Variants in CSMD1 observed in about 807,000 individuals in gnomAD.
CSMD1 encodes CUB and sushi domain-containing protein 1.
CSMD1 carries 213 observed loss-of-function variants against 417.5 expected under a neutral mutation model. That is an observed-to-expected ratio of 0.51 (90% CI 0.46 to 0.57). CSMD1 has a LOEUF of 0.57. CSMD1 is among the 20% of genes least tolerant of loss of function. The pLI, the probability that CSMD1 is intolerant of heterozygous loss-of-function variation, is 0.00. For synonymous variants in CSMD1, 2,862 were observed against 1,736.8 expected (o/e 1.65, Z -16.11); for missense variants, 6,923 against 4,529.7 (o/e 1.53, Z -15.17).
chr8:3,864,743 G>T (rs937082745), intron 5 of CSMD1, among the ~76,000 whole-genome samples: 2 of 152,034 alleles, frequency 1.3e-5, no homozygotes, highest in Non-Finnish European at 2.9e-5. Context: ...TCCTCTCCTA[G>T]TAAATTAAAC....
At chr8:4,316,995 G>C (rs1346236650) in intron 3 of CSMD1, among the ~76,000 whole-genome samples, 5 of 152,210 alleles carry the variant, frequency 3.3e-5, no homozygotes, top group South Asian at 4.1e-4. Flanking sequence ...CTCTTATTGA[G>C]CATGCCAATA....
At position 4,658,085 on chromosome 8, in the gene CSMD1, CAG is replaced by C. The variant is rs138582806; in HGVS notation, c.86-20529_86-20528del. Among the ~76,000 whole-genome samples the C allele has an allele frequency of 2.1e-3, 318 of 151,812 alleles. 4 individuals carry two copies. Among genetic ancestry groups the C allele is most frequent in the African/African-American group, 7.5e-3 (309 of 41,402 alleles). On this transcript the variant is annotated intron_variant, in intron 1 of 69. Transcript: ENST00000635120. ...GGGAAAAAGAAGGGAAAAAAATAAACAGAGCTTAAGAAACACATGGGGCACCA... is the reference window on the plus strand; with the variant it reads ...GGGAAAAAGAAGGGAAAAAAATAAACAGCTTAAGAAACACATGGGGCACCA...
At chr8:4,331,669 C>G (rs1799875985) in intron 3 of CSMD1, among the ~76,000 whole-genome samples, 1 of 152,040 alleles carries the variant, frequency 6.6e-6, no homozygotes, top group African/African-American at 2.4e-5. Flanking sequence ...GGTAGCCATC[C>G]CAGAGGCCCC....
intron 3 of CSMD1, among the ~76,000 whole-genome samples, chr8:4,199,060 C>G (rs995187238): frequency 6.6e-6 from 1 of 152,120 alleles, no homozygotes; most frequent in African/African-American, 2.4e-5. Context: ...TGCAGTCTGG[C>G]AAAACCCCTG....
intron 38 of CSMD1, among the ~76,000 whole-genome samples, chr8:3,160,663 G>A (rs1481600866): frequency 9.9e-5 from 15 of 152,138 alleles, no homozygotes; most frequent in Admixed American, 8.5e-4. Context: ...TTGTTCTTAC[G>A]AAGGTGGCTT....
chr8:4,170,712 G>C (rs1433129848), intron 3 of CSMD1, among the ~76,000 whole-genome samples: 1 of 151,654 alleles, frequency 6.6e-6, no homozygotes, highest in Non-Finnish European at 1.5e-5. Flanking sequence ...GATATAGCTA[G>C]CATGTGGATT....
chr8:3,272,998 C>T (rs939948398), intron 26 of CSMD1, among the ~76,000 whole-genome samples: 1 of 151,116 alleles, frequency 6.6e-6, no homozygotes, highest in Non-Finnish European at 1.5e-5. Context: ...GAGGGCATCC[C>T]TGTCTTGTGC....
At chr8:4,339,437 G>C (rs1463585845) in intron 3 of CSMD1, among the ~76,000 whole-genome samples, 4 of 152,086 alleles carry the variant, frequency 2.6e-5, no homozygotes, top group African/African-American at 7.2e-5. Flanking sequence ...TGAGAGGCTG[G>C]TGTTTGAATC....
At chr8:4,863,493 G>C (rs948708597) in intron 1 of CSMD1, among the ~76,000 whole-genome samples, 9 of 151,974 alleles carry the variant, frequency 5.9e-5, no homozygotes, top group African/African-American at 2.2e-4. Context: ...GTAACATTTA[G>C]TTCAGTGTTG....
At chr8:4,167,790 G>C (rs1197677063) in intron 3 of CSMD1, among the ~76,000 whole-genome samples, 1 of 152,084 alleles carries the variant, frequency 6.6e-6, no homozygotes, top group South Asian at 2.1e-4. Context: ...AGGAGTTTGA[G>C]ACTAGCCTGG....
chr8:3,684,441 T>G (rs1343506423), intron 7 of CSMD1, among the ~76,000 whole-genome samples: 2 of 150,494 alleles, frequency 1.3e-5, no homozygotes, highest in Non-Finnish European at 3.0e-5. Flanking sequence ...TGACTCATAG[T>G]ACTTAACAAT....
intron 7 of CSMD1, among the ~76,000 whole-genome samples, chr8:3,622,224 A>G (rs1796286177): frequency 6.6e-6 from 1 of 152,214 alleles, no homozygotes; most frequent in Non-Finnish European, 1.5e-5. Flanking sequence ...TGCCACGTTT[A>G]TTCTTTCTGC....
chr8:3,949,742 C>T (rs999659317), intron 5 of CSMD1, among the ~76,000 whole-genome samples: 1 of 152,108 alleles, frequency 6.6e-6, no homozygotes, highest in African/African-American at 2.4e-5. Flanking sequence ...GACTTGATCC[C>T]ACCAGGATCT....
At chr8:4,020,066 T>TA (rs1258884811) in intron 4 of CSMD1, among the ~76,000 whole-genome samples, 1 of 152,146 alleles carries the variant, frequency 6.6e-6, no homozygotes, top group Non-Finnish European at 1.5e-5. Context: ...GGAGAGGAGA[T>TA]AGAGACAGTA....
chr8:3,414,239 A>AAAAAAAAAC (rs71199574), intron 12 of CSMD1, among the ~76,000 whole-genome samples: 1 of 135,634 alleles, frequency 7.4e-6, no homozygotes, highest in Non-Finnish European at 1.6e-5. Context: ...AAAAAAAAAA[A>AAAAAAAAAC]TGCTGTACAA....
intron 9 of CSMD1, among the ~76,000 whole-genome samples, chr8:3,579,896 G>T (rs1473419523): frequency 2.0e-5 from 3 of 152,166 alleles, no homozygotes; most frequent in Admixed American, 6.5e-5. Context: ...CTGAGGTCAG[G>T]AGTTTGAGAC....
chr8:4,244,104 A>G (rs1049911565), intron 3 of CSMD1, among the ~76,000 whole-genome samples: 2 of 152,162 alleles, frequency 1.3e-5, no homozygotes, highest in Non-Finnish European at 2.9e-5. Flanking sequence ...GAAGATGACT[A>G]CTGGGTGCTG....
chr8:3,884,125 T>G (rs573194127), intron 5 of CSMD1, among the ~76,000 whole-genome samples: 49 of 152,296 alleles, frequency 3.2e-4, no homozygotes, highest in African/African-American at 1.1e-3. Flanking sequence ...CAATGTCAGT[T>G]TCGAATTTTT....
At chr8:3,730,906 G>A (rs1796211969) in intron 6 of CSMD1, among the ~76,000 whole-genome samples, 1 of 152,132 alleles carries the variant, frequency 6.6e-6, no homozygotes, top group Non-Finnish European at 1.5e-5. Context: ...AGACCAATTT[G>A]CTGCTTCAAA....
Sources: gnomAD v4.1 joint callset for allele counts (sites outside exome capture counted in the v4.1 genomes callset) on GRCh38, gnomAD v4.1.1 for gene constraint, MANE v1.5 for transcripts, NCBI Gene and HGNC (gene_info 2026-07-23, HGNC 2026-07-21) for gene names.